Variants in CTNNA3 observed in about 807,000 individuals in gnomAD.
CTNNA3 encodes the protein catenin alpha-3.
A neutral mutation model predicts 95.7 loss-of-function variants in CTNNA3; 76 were observed. The ratio of observed to expected loss-of-function variants is 0.79; its 90% CI spans 0.66 to 0.96. The LOEUF is 0.96. Among genes scored for constraint, CTNNA3 ranks in the 40% least tolerant of loss-of-function variants. CTNNA3 has a pLI of 0.00. For synonymous variants in CTNNA3, 431 were observed against 374.4 expected, an observed-to-expected ratio of 1.15 and a Z score of -1.74; for missense variants, 1,191 against 1,089.8, an observed-to-expected ratio of 1.09 and a Z score of -1.31.
chr10:66,214,432 ATATTGAATCG>A (rs1455560230), intron 13 of CTNNA3, among the ~76,000 whole-genome samples: 10 of 152,206 alleles, frequency 6.6e-5, no homozygotes, highest in African/African-American at 2.4e-4. Context: ...TTGTGATTGT[ATATTGAATCG>A]TATTGTCATA....
chr10:66,814,241 A>G (rs1446788462), intron 7 of CTNNA3, among the ~76,000 whole-genome samples: 7 of 145,584 alleles, frequency 4.8e-5, no homozygotes, highest in Non-Finnish European at 1.0e-4. Context: ...TATTCCCAGA[A>G]GAATGTTTAA....
At chr10:66,473,273 G>T (rs1207107714) in intron 11 of CTNNA3, among the ~76,000 whole-genome samples, 1 of 151,764 alleles carries the variant, frequency 6.6e-6, no homozygotes, top group African/African-American at 2.4e-5. Flanking sequence ...CTGGATCATG[G>T]GGGCAGTTCT....
At chr10:67,701,190 G>A (rs1437081654), upstream of CTNNA3, among the ~76,000 whole-genome samples, 1 of 152,178 alleles carries the variant, frequency 6.6e-6, no homozygotes, top group African/African-American at 2.4e-5. Flanking sequence ...AACCAAGTTG[G>A]AAAACACTCT....
At chr10:67,551,606 G>A (rs942228307) in intron 3 of CTNNA3, among the ~76,000 whole-genome samples, 8 of 152,152 alleles carry the variant, frequency 5.3e-5, no homozygotes, top group Non-Finnish European at 1.2e-4. Flanking sequence ...TGCCCACTGG[G>A]GCTTCAGAGC....
intron 5 of CTNNA3, among the ~76,000 whole-genome samples, chr10:67,460,520 ATTAT>A (rs1847336562): frequency 6.6e-6 from 1 of 152,222 alleles, no homozygotes; most frequent in African/African-American, 2.4e-5. Flanking sequence ...ATTAGTAAAA[ATTAT>A]TTGAGAAGTT....
chr10:66,758,052 T>G (rs1839441217), intron 9 of CTNNA3, among the ~76,000 whole-genome samples: 1 of 152,156 alleles, frequency 6.6e-6, no homozygotes, highest in Non-Finnish European at 1.5e-5. Context: ...TTTATTATTT[T>G]TAAAGTTATT....
intron 11 of CTNNA3, among the ~76,000 whole-genome samples, chr10:66,392,081 G>A (rs1282109559): frequency 2.0e-5 from 3 of 151,538 alleles, no homozygotes; most frequent in Non-Finnish European, 4.4e-5. Context: ...ACAAAAAAAT[G>A]AATACATTGG....
chr10:66,180,850 T>A (rs2131855825), intron 13 of CTNNA3, among the ~76,000 whole-genome samples: 1 of 152,308 alleles, frequency 6.6e-6, no homozygotes, highest in South Asian at 2.1e-4. Flanking sequence ...GAAACACTAC[T>A]CTGCTGTGTA....
intron 9 of CTNNA3, among the ~76,000 whole-genome samples, chr10:66,724,983 C>T (rs1848736906): frequency 6.6e-6 from 1 of 152,072 alleles, no homozygotes; most frequent in Non-Finnish European, 1.5e-5. Context: ...ATGCTGAAGT[C>T]TCTGATATAA....
chr10:66,406,595 T>C (rs1388142589), intron 11 of CTNNA3, among the ~76,000 whole-genome samples: 3 of 152,210 alleles, frequency 2.0e-5, no homozygotes, highest in Admixed American at 6.5e-5. Flanking sequence ...ATATTATTAG[T>C]TCCATTAATC....
intron 13 of CTNNA3, among the ~76,000 whole-genome samples, chr10:66,224,678 C>A (rs1443284912): frequency 6.6e-6 from 1 of 152,090 alleles, no homozygotes; most frequent in Non-Finnish European, 1.5e-5. Context: ...TCCTTAAGTA[C>A]TAAGAAATGT....
chr10:67,400,769 A>G (rs1844887203), intron 5 of CTNNA3, among the ~76,000 whole-genome samples: 1 of 152,174 alleles, frequency 6.6e-6, no homozygotes, highest in African/African-American at 2.4e-5. Context: ...TTAATGTCTT[A>G]CAGGATATTA....
chr10:66,021,851 G>GTTTTTTTTTTTTTTTTTTTTTTTTT (rs1564583857), intron 15 of CTNNA3, among the ~76,000 whole-genome samples: 9 of 41,668 alleles, frequency 2.2e-4, no homozygotes, highest in Admixed American at 2.8e-4. Flanking sequence ...CAGGATCTTG[G>GTTTTTTTTTTTTTTTTTTTTTTTTT]CTTTTTTTTT....
chr10:67,308,518 T>C (rs1257377368), intron 5 of CTNNA3, among the ~76,000 whole-genome samples: 1 of 152,202 alleles, frequency 6.6e-6, no homozygotes, highest in Non-Finnish European at 1.5e-5. Flanking sequence ...TCTTTATAAA[T>C]TACCCCATCT....
chr10:67,011,368 C>T (rs1000912278), intron 7 of CTNNA3, among the ~76,000 whole-genome samples: 1 of 150,364 alleles, frequency 6.7e-6, no homozygotes. Flanking sequence ...CTAGCCTGTT[C>T]TGTTTTTAAT....
intron 13 of CTNNA3, among the ~76,000 whole-genome samples, chr10:66,135,643 A>G (rs2083307296): frequency 6.6e-6 from 1 of 152,192 alleles, no homozygotes; most frequent in Non-Finnish European, 1.5e-5. Flanking sequence ...TTGTTGAACA[A>G]CAAGGATGTT....
chr10:67,705,329 G>A (rs1306081036), intron 1 of CTNNA3, among the ~76,000 whole-genome samples: 40 of 149,334 alleles, frequency 2.7e-4, no homozygotes, highest in Middle Eastern at 3.5e-3. Flanking sequence ...ACATGCACAC[G>A]TATGTTTATT....
At chr10:67,182,661 T>C (rs1340587059) in intron 6 of CTNNA3, among the ~76,000 whole-genome samples, 1 of 152,022 alleles carries the variant, frequency 6.6e-6, no homozygotes, top group African/African-American at 2.4e-5. Flanking sequence ...CCAAAAGCAA[T>C]GGCAACAAAA....
At chr10:66,197,126 C>A (rs2087009778) in intron 13 of CTNNA3, among the ~76,000 whole-genome samples, 1 of 152,096 alleles carries the variant, frequency 6.6e-6, no homozygotes, top group Non-Finnish European at 1.5e-5. Flanking sequence ...AAGACTATAC[C>A]TTCATTTTCC....
Sources: allele counts gnomAD v4.1 joint callset (sites outside exome capture counted in the v4.1 genomes callset), GRCh38; gene constraint gnomAD v4.1.1; transcripts MANE v1.5; gene names NCBI Gene and HGNC (gene_info 2026-07-23, HGNC 2026-07-21).